Variants in LMAN1 observed in about 807,000 individuals in gnomAD.
The protein encoded by LMAN1 is protein ERGIC-53.
LMAN1 carries 32 observed loss-of-function variants against 67.8 expected under a neutral mutation model. That is an observed-to-expected ratio of 0.47 (90% confidence interval 0.36 to 0.63). The LOEUF is 0.63. Among genes scored for constraint, LMAN1 ranks in the 30% least tolerant of loss-of-function variants. The probability of loss-of-function intolerance (pLI) is 0.00; values close to 1 mark genes in which losing one functional copy is unlikely to be tolerated. For missense variants in LMAN1, 632 were observed against 628.2 expected, an observed-to-expected ratio of 1.01 and a Z score of -0.06; for synonymous variants, 235 against 219.3, an observed-to-expected ratio of 1.07 and a Z score of -0.63.
chr18:59,359,002 C>T, intron 1 of LMAN1, 29 bp downstream of exon 1: 1 of 1,607,018 alleles, frequency 6.2e-7, no homozygotes, highest in Non-Finnish European at 8.5e-7. Flanking sequence ...GGAGAGGAAC[C>T]CGGCCCCCAG....
Position 59,346,041 on chromosome 18 carries a change from T to G in LMAN1, c.833A>C (p.Asp278Ala). ...TEPGKEPPTP[D>A]KEISEKEKEK... is the part of the protein sequence containing the mutation. ...TTTTTCCTTTTCCGAAATTTCTTTA[T>G]CTGGTGTGGGCTTTTTTTTGGAGTT... Residue 278 changes from aspartate to alanine, a missense_variant, in exon 8 of 13, where the codon GAT (aspartate) becomes GCT (alanine). By Grantham distance (126) the Asp-to-Ala change is moderately radical. Coordinates refer to ENST00000251047, the MANE Select transcript of LMAN1 (RefSeq NM_005570.4). 1 of 1,611,766 alleles carries G rather than the reference T, an allele frequency of 6.2e-7. No homozygotes were observed. Among genetic ancestry groups the G allele is most frequent in the Non-Finnish European group, 8.5e-7 (1 of 1,179,056 alleles).
Position 59,355,550 on chromosome 18 carries a change from A to C in LMAN1, c.323T>G (p.Val108Gly). The change falls in exon 2 of 13, where the codon GTG (valine) becomes GGG (glycine). Residue 108 changes from valine to glycine, a missense_variant. Val to Gly is a moderately radical substitution (Grantham distance 109). Coordinates refer to ENST00000251047, the MANE Select transcript of LMAN1 (RefSeq NM_005570.4). Reference protein sequence around the residue: ...KAAFENWEVEVTFRVTGRGRI... With the variant: ...KAAFENWEVEGTFRVTGRGRI... ...ACCTCTTCCAGTCACTCGAAATGTC[A>C]CCTCAACTTCCCAGTTCTCAAAGGC... The C allele has an allele frequency of 6.2e-7, 1 of 1,614,084 alleles. No individual in the cohort carries two copies. Among genetic ancestry groups the C allele is most frequent in the Non-Finnish European group, 8.5e-7 (1 of 1,179,950 alleles).
Position 59,328,569 on chromosome 18 carries a change from T to A in LMAN1, c.*2524A>T, listed in dbSNP as rs2070727661. 1 of 148,424 alleles carries A rather than the reference T, an allele frequency of 6.7e-6. No individual in the cohort carries two copies. The highest frequency in any genetic ancestry group is 2.1e-4 in the South Asian group (1 of 4,734). The allele number at this position is 148,424 out of a possible 1,614,324, so 9.2% of individuals were successfully genotyped here. ...CAGCTCTAAATTAACAAAACACCTA[T>A]TTTTTTTTTCCCACTCCTCATTTTA... On this transcript the variant is annotated 3_prime_UTR_variant, in exon 13 of 13. Coordinates refer to ENST00000251047, the MANE Select transcript of LMAN1 (RefSeq NM_005570.4).
intron 8 of LMAN1, among the ~76,000 whole-genome samples, chr18:59,343,329 G>A (rs1413980043): frequency 1.3e-5 from 2 of 151,694 alleles, no homozygotes; most frequent in African/African-American, 4.8e-5. Flanking sequence ...AAAAAAGGGA[G>A]CCCAAATAGC....
At chr18:59,333,027 G>C in intron 11 of LMAN1, 64 bp downstream of exon 11, 2 of 1,333,000 alleles carry the variant, frequency 1.5e-6, no homozygotes, top group Non-Finnish European at 2.2e-6. Context: ...AATACTTGCA[G>C]TAGAGTATGA....
chr18:59,359,084 C>T lies in LMAN1; in HGVS notation c.161G>A (p.Gly54Glu), dbSNP rs1326161378. The change falls in exon 1 of 13, where the codon GGG (glycine) becomes GAG (glutamate). Residue 54 changes from glycine (G) to glutamate (E), a missense_variant. By Grantham distance (98) the Gly-to-Glu change is moderately conservative. Coordinates refer to ENST00000251047, the MANE Select transcript of LMAN1 (RefSeq NM_005570.4). ...CCCGTCGCTCTGCACCAGGTGCGGC[C>T]CCTTGAAGCTGTATTTGTACTCGAA... ...RRFEYKYSFK[G>E]PHLVQSDGTV... The T allele has an allele frequency of 1.2e-6, 2 of 1,614,110 alleles. No individual in the cohort carries two copies. The highest frequency in any genetic ancestry group is 1.1e-5 in the South Asian group (1 of 91,082).
chr18:59,333,583 C>T, intron 10 of LMAN1: 1 of 261,376 alleles, frequency 3.8e-6, no homozygotes, highest in South Asian at 4.2e-5. Flanking sequence ...TTCAGCTGTA[C>T]AGTAAAGGAC....
rs8094960 is a variant in LMAN1, at chr18:59,347,498, T to C, written c.822+15A>G. On this transcript the variant is annotated intron_variant, in intron 7 of 12. Transcript: ENST00000251047. ...ACTAAACTGATAAAGTTTTTGAAAA[T>C]ATGTGTAAAATTACCGGCTCTTTTC... is the stretch of plus-strand genomic sequence containing the variant. The C allele has an allele frequency of 1.9e-6, 3 of 1,597,508 alleles. No homozygotes were observed. Among genetic ancestry groups the C allele is most frequent in the Non-Finnish European group, 2.6e-6 (3 of 1,167,678 alleles).
At chr18:59,337,199 TATA>T (rs1169132488) in intron 10 of LMAN1, among the ~76,000 whole-genome samples, 2 of 149,136 alleles carry the variant, frequency 1.3e-5, no homozygotes, top group African/African-American at 4.9e-5. Context: ...TATTATAATA[TATA>T]ATATCTTCTT....
Sources: allele counts gnomAD v4.1 joint callset (sites outside exome capture counted in the v4.1 genomes callset), GRCh38; gene constraint gnomAD v4.1.1; transcripts MANE v1.5; gene names NCBI Gene and HGNC (gene_info 2026-07-23, HGNC 2026-07-21).